The following PCDHA9 variants were observed in gnomAD, a reference collection of about 807,000 sequenced individuals.
PCDHA9 encodes protocadherin alpha 9.
PCDHA9 carries 62 observed loss-of-function variants against 62.0 expected under a neutral mutation model. The ratio of observed to expected loss-of-function variants is 1.00; its 90% confidence interval spans 0.81 to 1.23. The LOEUF (loss-of-function observed/expected upper bound fraction) is 1.23. Among genes scored for constraint, PCDHA9 ranks in the 50% most tolerant of loss-of-function variants. The pLI is 0.00. For synonymous variants in PCDHA9, 557 were observed against 567.6 expected, an observed-to-expected ratio of 0.98 and a Z score of 0.27; for missense variants, 1,205 against 1,249.8, an observed-to-expected ratio of 0.96 and a Z score of 0.54.
chr5:140,851,317 G>C, intron 1 of PCDHA9: 1 of 992,602 alleles, frequency 1.0e-6, no homozygotes, highest in Non-Finnish European at 1.2e-6. Flanking sequence ...TTGTTACCTT[G>C]TTAAGTTTGT....
intron 3 of PCDHA9, among the ~76,000 whole-genome samples, chr5:140,990,502 A>T (rs1303617067): frequency 6.6e-6 from 1 of 152,164 alleles, no homozygotes; most frequent in African/African-American, 2.4e-5. Context: ...ACATTCCCCA[A>T]GTCTTCTCTC....
Position 141,011,440 on chromosome 5 carries a change from T to G in PCDHA9, c.*1503T>G, listed in dbSNP as rs2098420601. 1 of 153,808 alleles carries G rather than the reference T, an allele frequency of 6.5e-6. No individual in the cohort carries two copies. Among genetic ancestry groups the G allele is most frequent in the Admixed American group, 6.5e-5 (1 of 15,282 alleles). 9.5% of individuals were successfully genotyped at this position (153,808 alleles called of 1,614,324 possible). A position where few individuals can be genotyped will look rare whatever the true frequency, so the allele number is the denominator to read the frequency against. Reference sequence around the variant, plus strand: ...ATGTTAATGCAACTATTACCTAGAGTGAACTTTAAGCTTTATTGTTGAATG... The same window carrying G: ...ATGTTAATGCAACTATTACCTAGAGGGAACTTTAAGCTTTATTGTTGAATG... On this transcript the variant is annotated 3_prime_UTR_variant, in exon 4 of 4. Transcript: ENST00000532602.
chr5:140,949,528 A>G (rs2094388709), intron 1 of PCDHA9, among the ~76,000 whole-genome samples: 1 of 151,854 alleles, frequency 6.6e-6, no homozygotes, highest in Non-Finnish European at 1.5e-5. Context: ...TTTTATCTTC[A>G]TAAAATATCG....
At chr5:140,877,198 G>C (rs781787046) in intron 1 of PCDHA9, 26 of 1,613,712 alleles carry the variant, frequency 1.6e-5, no homozygotes, top group Non-Finnish European at 2.2e-5. Flanking sequence ...CGCAGGAGGC[G>C]CAGTTAGCGA....
chr5:140,854,118 C>T lies in PCDHA9; in HGVS notation c.2394+3229C>T, dbSNP rs541457983. The T allele has an allele frequency of 1.9e-3, 584 of 313,350 alleles. 14 individuals carry two copies. The highest frequency in any genetic ancestry group is 2.3e-3 in the Non-Finnish European group (544 of 232,056). 19.4% of individuals were successfully genotyped at this position (313,350 alleles called of 1,614,324 possible). A position where few individuals can be genotyped will look rare whatever the true frequency, so the allele number is the denominator to read the frequency against. ...TTGAGGCTGCAGTGAACTGTGATGG[C>T]ACAACTGCATTTCAGCCCGGGTGAC... On this transcript the variant is annotated intron_variant, in intron 1 of 3. Transcript: ENST00000532602.
intron 1 of PCDHA9, chr5:140,856,437 C>T (rs2043996083): frequency 1.9e-6 from 3 of 1,598,304 alleles, no homozygotes; most frequent in Non-Finnish European, 1.7e-6. Flanking sequence ...GACAACCCGC[C>T]CAGGTTCTCC....
intron 1 of PCDHA9, among the ~76,000 whole-genome samples, chr5:140,933,619 T>C (rs2089273151): frequency 2.6e-5 from 4 of 152,058 alleles, no homozygotes; most frequent in Non-Finnish European, 2.9e-5. Flanking sequence ...TCTTATTAGG[T>C]TAGGCTGGCC....
intron 1 of PCDHA9, among the ~76,000 whole-genome samples, chr5:140,905,814 G>A (rs1303983123): frequency 6.6e-6 from 1 of 152,090 alleles, no homozygotes; most frequent in South Asian, 2.1e-4. Flanking sequence ...GAATTAATAG[G>A]CTAGATGTGT....
intron 1 of PCDHA9, among the ~76,000 whole-genome samples, chr5:140,897,816 G>C (rs1305259522): frequency 1.1e-4 from 16 of 152,078 alleles, no homozygotes; most frequent in Non-Finnish European, 1.9e-4. Flanking sequence ...CAGTGTAAAA[G>C]TGTTCCTATT....
chr5:140,851,595 G>A (rs1470017891), intron 1 of PCDHA9: 19 of 919,212 alleles, frequency 2.1e-5, no homozygotes, highest in Non-Finnish European at 2.5e-5. Flanking sequence ...TTGAAATTCA[G>A]TTTACAGAAA....
In PCDHA9 at chr5:140,922,291, T is replaced by A. The variant is rs951080588; in HGVS notation, c.2395-56658T>A. ...AGATTGGACCAAGATATGAAAATGC[T>A]AGGAGAGGATACCTTTCACTGAAGA... On this transcript the variant is annotated intron_variant, in intron 1 of 3. Coordinates refer to ENST00000532602, the MANE Select transcript of PCDHA9 (RefSeq NM_031857.2). Among the ~76,000 whole-genome samples, 38 of 152,228 alleles carry A rather than the reference T, an allele frequency of 2.5e-4. 1 individual carries two copies. The highest frequency in any genetic ancestry group is 1.5e-5 in the Non-Finnish European group (1 of 68,048).
chr5:141,000,639 G>T (rs1375900945), intron 3 of PCDHA9, among the ~76,000 whole-genome samples: 1 of 151,186 alleles, frequency 6.6e-6, no homozygotes, highest in Non-Finnish European at 1.5e-5. Context: ...TGTTGGGCAG[G>T]CTGGTCTCGA....
chr5:140,848,793 G>T lies in PCDHA9; in HGVS notation c.298G>T (p.Ala100Ser). The change falls in exon 1 of 4, where the codon GCG (alanine) becomes TCG (serine). Residue 100 changes from alanine (A) to serine (S), a missense_variant. Ala to Ser is a moderately conservative substitution (Grantham distance 99). This residue lies in a region of PCDHA9 where 208 missense variants were observed against 213.2 expected (regional missense o/e 0.98). Transcript: ENST00000532602. ...IDREELCGRSAECSIHLEVIV... is the reference protein window; with the variant it reads ...IDREELCGRSSECSIHLEVIV... ...CCGCGAGGAGCTGTGCGGGCGGAGC[G>T]CGGAGTGCAGCATCCACCTGGAGGT... 1 of 1,592,844 alleles carries T rather than the reference G, an allele frequency of 6.3e-7. No individual in the cohort carries two copies. Among genetic ancestry groups the T allele is most frequent in the African/African-American group, 1.3e-5 (1 of 74,280 alleles).
intron 1 of PCDHA9, chr5:140,851,418 C>G: frequency 1.0e-6 from 1 of 958,736 alleles, no homozygotes; most frequent in South Asian, 4.8e-5. Flanking sequence ...AGAAACTTCC[C>G]CTAAACTTTA....
At chr5:140,860,393 A>C (rs1463611060) in intron 1 of PCDHA9, 1 of 152,136 alleles carries the variant, frequency 6.6e-6, no homozygotes, top group Non-Finnish European at 1.5e-5. Flanking sequence ...AAATTGAAAA[A>C]AGCAAAAGCA....
intron 1 of PCDHA9, chr5:140,870,054 T>G (rs895309313): frequency 1.2e-6 from 2 of 1,613,676 alleles, no homozygotes; most frequent in Non-Finnish European, 8.5e-7. Context: ...TTTATAAAAT[T>G]GAAGTACAGG....
intron 3 of PCDHA9, among the ~76,000 whole-genome samples, chr5:141,000,385 C>A (rs868983393): frequency 3.1e-5 from 2 of 64,984 alleles, no homozygotes; most frequent in South Asian, 5.2e-4. Flanking sequence ...CTCTCTCTCT[C>A]TCTCTCTCTC....
intron 3 of PCDHA9, among the ~76,000 whole-genome samples, chr5:141,001,534 G>A (rs2098024616): frequency 6.6e-6 from 1 of 152,180 alleles, no homozygotes; most frequent in African/African-American, 2.4e-5. Flanking sequence ...CTCTGATCCT[G>A]GACAGGATTT....
chr5:140,937,606 TACTC>T (rs1186588675), intron 1 of PCDHA9, among the ~76,000 whole-genome samples: 2 of 123,664 alleles, frequency 1.6e-5, no homozygotes, highest in Non-Finnish European at 3.5e-5. Context: ...AACAGAGTGA[TACTC>T]CATCTAAAAA....
Sources: gnomAD v4.1 joint callset for allele counts (sites outside exome capture counted in the v4.1 genomes callset) on GRCh38, gnomAD v4.1.1 for gene constraint, gnomAD v4.1.1 regional missense constraint, MANE v1.5 for transcripts, NCBI Gene and HGNC (gene_info 2026-07-23, HGNC 2026-07-21) for gene names.